The following IQSEC1 variants were observed in gnomAD, a reference collection of about 807,000 sequenced individuals.
IQSEC1 encodes the protein IQ motif and SEC7 domain-containing protein 1.
IQSEC1 carries 31 observed loss-of-function variants against 91.0 expected under a neutral mutation model. That is an observed-to-expected ratio of 0.34 (90% CI 0.26 to 0.46). The LOEUF (loss-of-function observed/expected upper bound fraction) is 0.46. Among genes scored for constraint, IQSEC1 ranks in the 20% least tolerant of loss-of-function variants. IQSEC1 has a pLI of 1.00. For missense variants in IQSEC1, 1,388 were observed against 1,575.6 expected (o/e 0.88, Z 2.02); for synonymous variants, 699 against 662.6 (o/e 1.05, Z -0.84).
At chr3:12,938,556 T>A (rs1164537716) in intron 2 of IQSEC1, among the ~76,000 whole-genome samples, 1 of 152,188 alleles carries the variant, frequency 6.6e-6, no homozygotes, top group Admixed American at 6.5e-5. Context: ...CTGAACGCCA[T>A]CCAAGAAATG....
At chr3:13,266,933 C>A (rs1248464854) in intron 1 of IQSEC1, among the ~76,000 whole-genome samples, 1 of 150,252 alleles carries the variant, frequency 6.7e-6, no homozygotes, top group Non-Finnish European at 1.5e-5. Flanking sequence ...CCCCGCTGCA[C>A]CCCTGACCCC....
At chr3:13,127,766 G>A (rs541162467) in intron 2 of IQSEC1, among the ~76,000 whole-genome samples, 4 of 152,060 alleles carry the variant, frequency 2.6e-5, no homozygotes, top group African/African-American at 9.7e-5. Flanking sequence ...TGAGTTTTCC[G>A]ATCCACGAAC....
intron 1 of IQSEC1, chr3:12,995,159 C>A (rs1196120734): frequency 6.6e-6 from 1 of 152,214 alleles, no homozygotes; most frequent in Non-Finnish European, 1.5e-5. Context: ...CCGGAGGCGG[C>A]GAGACCGGAG....
At chr3:13,197,059 C>T (rs1330855723) in intron 1 of IQSEC1, among the ~76,000 whole-genome samples, 2 of 152,088 alleles carry the variant, frequency 1.3e-5, no homozygotes, top group Non-Finnish European at 2.9e-5. Context: ...GGCCCCTGTG[C>T]CCTGGGACAC....
chr3:13,133,139 A>G (rs1289587358), intron 2 of IQSEC1, among the ~76,000 whole-genome samples: 1 of 152,214 alleles, frequency 6.6e-6, no homozygotes, highest in African/African-American at 2.4e-5. Context: ...CATTCCCATC[A>G]CTGCCCCTCA....
At chr3:12,916,264 C>T (rs1450444970) in intron 6 of IQSEC1, among the ~76,000 whole-genome samples, 2 of 152,190 alleles carry the variant, frequency 1.3e-5, no homozygotes, top group African/African-American at 2.4e-5. Context: ...TGTGAGGAAA[C>T]GAGGGGCGCC....
chr3:13,139,390 C>A (rs1382808119), intron 2 of IQSEC1, among the ~76,000 whole-genome samples: 1 of 152,222 alleles, frequency 6.6e-6, no homozygotes, highest in African/African-American at 2.4e-5. Flanking sequence ...CCTGGTGAAT[C>A]CGAAGGGCTA....
In IQSEC1 at chr3:13,282,382, C is replaced by A. The variant is rs1330796667; in HGVS notation, c.272+329G>T. Reference sequence around the variant, plus strand: ...ACCTAGGTCCGCTCCCCGGACAGACCTCCGCCCGGCTCGTCCGAGCCCCGG... The same window carrying A: ...ACCTAGGTCCGCTCCCCGGACAGACATCCGCCCGGCTCGTCCGAGCCCCGG... On this transcript the variant is annotated intron_variant, in intron 1 of 15. Transcript: ENST00000648114. This position sits in a 1 kb window ranked among gnomAD's most constrained non-coding sequence, Gnocchi z 6.4. 4.6e-5 allele frequency among the ~76,000 whole-genome samples: 7 copies of A among 152,148 alleles called. No homozygotes were observed. The highest frequency in any genetic ancestry group is 4.6e-4 in the Admixed American group (7 of 15,288).
At chr3:13,017,207 CTGTTTT>C (rs1304282343) in intron 1 of IQSEC1, among the ~76,000 whole-genome samples, 1 of 146,544 alleles carries the variant, frequency 6.8e-6, no homozygotes, top group Non-Finnish European at 1.5e-5. Context: ...TCATCCCTCC[CTGTTTT>C]ATTTTCTTGG....
intron 2 of IQSEC1, among the ~76,000 whole-genome samples, chr3:13,099,185 G>A (rs1051459487): frequency 3.3e-5 from 5 of 152,156 alleles, no homozygotes; most frequent in African/African-American, 1.2e-4. Flanking sequence ...GTAGCCCTGG[G>A]GGCCATAGCC....
chr3:13,170,472 C>A (rs1454360664), intron 1 of IQSEC1, among the ~76,000 whole-genome samples: 1 of 152,224 alleles, frequency 6.6e-6, no homozygotes, highest in African/African-American at 2.4e-5. Flanking sequence ...GTCCTCCAGA[C>A]CCCAGAATGG....
At chr3:13,129,581 A>G (rs1448696243) in intron 2 of IQSEC1, among the ~76,000 whole-genome samples, 4 of 151,296 alleles carry the variant, frequency 2.6e-5, no homozygotes, top group South Asian at 4.2e-4. Flanking sequence ...TTGATCTGAG[A>G]TCTTTTTTCT....
chr3:13,161,795 T>G (rs1262572071), intron 2 of IQSEC1, among the ~76,000 whole-genome samples: 1 of 152,166 alleles, frequency 6.6e-6, no homozygotes, highest in Non-Finnish European at 1.5e-5. Flanking sequence ...CCATCCGCGA[T>G]CTCCCTTGCC....
chr3:13,018,483 G>A (rs1228120693), intron 1 of IQSEC1, among the ~76,000 whole-genome samples: 7 of 152,232 alleles, frequency 4.6e-5, no homozygotes, highest in Non-Finnish European at 7.3e-5. Context: ...GGCACAAAAC[G>A]ATCTTTCTTT....
At chr3:13,233,823 TCA>T (rs1447871013) in intron 1 of IQSEC1, among the ~76,000 whole-genome samples, 1 of 152,152 alleles carries the variant, frequency 6.6e-6, no homozygotes, top group Non-Finnish European at 1.5e-5. Context: ...GGCTCCCTGC[TCA>T]CATGTGGTAT....
At chr3:13,243,132 A>G (rs1695048194) in intron 1 of IQSEC1, among the ~76,000 whole-genome samples, 2 of 152,182 alleles carry the variant, frequency 1.3e-5, no homozygotes. Context: ...CCCTTCGCAC[A>G]CAGAGATGCT....
At chr3:13,159,479 G>GA (rs1483527543) in intron 2 of IQSEC1, among the ~76,000 whole-genome samples, 2 of 152,144 alleles carry the variant, frequency 1.3e-5, no homozygotes, top group Non-Finnish European at 2.9e-5. Context: ...AGTGAGGCAT[G>GA]AAAGGGATAG....
chr3:13,128,722 C>A (rs990912468), intron 2 of IQSEC1, among the ~76,000 whole-genome samples: 2 of 151,558 alleles, frequency 1.3e-5, no homozygotes, highest in African/African-American at 4.9e-5. Flanking sequence ...ACAACAACAA[C>A]AAAAAAGAGC....
At chr3:13,197,994 G>C (rs979314783) in intron 1 of IQSEC1, among the ~76,000 whole-genome samples, 4 of 152,234 alleles carry the variant, frequency 2.6e-5, no homozygotes, top group Admixed American at 2.0e-4. Context: ...AGGCCTCTCT[G>C]TGGAGAGGAC....
Sources: allele counts gnomAD v4.1 joint callset (sites outside exome capture counted in the v4.1 genomes callset), GRCh38; gene constraint gnomAD v4.1.1; non-coding constraint Gnocchi (gnomAD v3.1); transcripts MANE v1.5; gene names NCBI Gene and HGNC (gene_info 2026-07-23, HGNC 2026-07-21).